Variants in MRPL48 observed in about 807,000 individuals in gnomAD.
MRPL48 encodes mitochondrial ribosomal protein L48.
In MRPL48, 16 loss-of-function variants were observed where a neutral mutation model predicts 32.9. That is an observed-to-expected ratio of 0.49 (90% CI 0.33 to 0.74). The LOEUF is 0.74. MRPL48 is among the 30% of genes least tolerant of loss of function. The pLI, the probability that MRPL48 is intolerant of heterozygous loss-of-function variation, is 0.02. For synonymous variants in MRPL48, 94 were observed against 89.2 expected (o/e 1.05, Z -0.31); for missense variants, 206 against 245.3 (o/e 0.84, Z 1.07).
Position 73,787,987 on chromosome 11 carries a change from G to A in MRPL48, c.16G>A (p.Glu6Lys), listed in dbSNP as rs369796805. 4 of 1,596,904 alleles carry A rather than the reference G, an allele frequency of 2.5e-6. No homozygotes were observed. Among genetic ancestry groups the A allele is most frequent in the Middle Eastern group, 1.7e-4 (1 of 5,988 alleles). MSGTL[E>K]KVLCLRNNTI... The stretch of plus-strand genomic sequence containing the variant: ...GCAGCAAAGGATGAGCGGAACCTTG[G>A]AAAAGGTAACGTAGATTCCACGCAC... The change falls in exon 1 of 8, where the codon GAA becomes AAA. Residue 6 changes from glutamate (E) to lysine (K), a missense_variant. Transcript: ENST00000310614.
At chr11:73,828,034 G>A (rs73547550) in intron 4 of MRPL48, among the ~76,000 whole-genome samples, 2,164 of 152,052 alleles carry the variant, frequency 0.014, 60 homozygotes, top group African/African-American at 0.05. Flanking sequence ...GAATTTTTCC[G>A]GGAAGAGAGT....
chr11:73,815,717 G>A (rs1332115932), intron 3 of MRPL48, among the ~76,000 whole-genome samples: 1 of 151,588 alleles, frequency 6.6e-6, no homozygotes, highest in Non-Finnish European at 1.5e-5. Context: ...TAGAGACTAG[G>A]CCTTCTGCCT....
intron 1 of MRPL48, 56 bp from the exon 2 acceptor site, chr11:73,804,970 CA>C (rs1364396544): frequency 1.3e-6 from 2 of 1,509,260 alleles, no homozygotes; most frequent in African/African-American, 2.8e-5. Flanking sequence ...TCTGAGAAGA[CA>C]TACTTGGAGG....
intron 4 of MRPL48, among the ~76,000 whole-genome samples, chr11:73,828,383 C>T (rs1947938318): frequency 6.6e-6 from 1 of 151,620 alleles, no homozygotes; most frequent in Non-Finnish European, 1.5e-5. Flanking sequence ...CACCACCACA[C>T]CCAGCTAGTT....
chr11:73,832,243 T>C (rs1948010081), intron 4 of MRPL48: 1 of 152,174 alleles, frequency 6.6e-6, no homozygotes, highest in Non-Finnish European at 1.5e-5. Context: ...GAATGGCCCC[T>C]AGGAATCAAG....
intron 1 of MRPL48, among the ~76,000 whole-genome samples, chr11:73,792,723 A>G (rs908538272): frequency 6.6e-6 from 1 of 152,130 alleles, no homozygotes; most frequent in Non-Finnish European, 1.5e-5. Context: ...GAGCTTTTCT[A>G]TTTTGTTAAT....
At chr11:73,792,907 A>C (rs1340435771) in intron 1 of MRPL48, among the ~76,000 whole-genome samples, 1 of 152,236 alleles carries the variant, frequency 6.6e-6, no homozygotes, top group Non-Finnish European at 1.5e-5. Context: ...CAACAAGTCT[A>C]TGAAGTAAAT....
intron 3 of MRPL48, among the ~76,000 whole-genome samples, chr11:73,817,079 G>A (rs117015948): frequency 1.3e-5 from 2 of 151,828 alleles, no homozygotes; most frequent in African/African-American, 2.4e-5. Context: ...TGGTTCACCC[G>A]CTTGGGCCTC....
chr11:73,850,890 A>G (rs1197279757), intron 5 of MRPL48: 8 of 246,684 alleles, frequency 3.2e-5, no homozygotes, highest in East Asian at 2.3e-4. Context: ...GTTAGCCAGG[A>G]TGGTCTCGAT....
In MRPL48 at chr11:73,787,922, C is replaced by T. The variant is rs368992057; in HGVS notation, c.-50C>T. On this transcript the variant is annotated 5_prime_UTR_variant, in exon 1 of 8. Transcript: ENST00000310614. ...TTCAGACGCCCTGGGAACGCGGCTG[C>T]AGGGTCCGGTCTTCGGTTTGCACAG... The T allele has an allele frequency of 7.5e-5, 120 of 1,603,588 alleles. No individual in the cohort carries two copies. Among genetic ancestry groups the T allele is most frequent in the Non-Finnish European group, 9.8e-5 (115 of 1,173,880 alleles).
intron 6 of MRPL48, among the ~76,000 whole-genome samples, chr11:73,861,870 GT>G (rs1360091196): frequency 6.6e-6 from 1 of 152,238 alleles, no homozygotes; most frequent in East Asian, 1.9e-4. Context: ...AATTTCTCTT[GT>G]GGTTCCTTGC....
At chr11:73,841,884 C>T (rs1357426080) in intron 4 of MRPL48, among the ~76,000 whole-genome samples, 4 of 152,080 alleles carry the variant, frequency 2.6e-5, no homozygotes, top group Admixed American at 2.0e-4. Flanking sequence ...CTCATTCCTA[C>T]CCCCAGACCC....
intron 6 of MRPL48, among the ~76,000 whole-genome samples, chr11:73,860,969 T>A (rs535789990): frequency 6.6e-6 from 1 of 152,350 alleles, no homozygotes; most frequent in South Asian, 2.1e-4. Flanking sequence ...AATGGCCTTT[T>A]GTGTCAGACT....
chr11:73,856,440 C>G (rs1948483238), intron 5 of MRPL48, among the ~76,000 whole-genome samples: 1 of 152,154 alleles, frequency 6.6e-6, no homozygotes, highest in Non-Finnish European at 1.5e-5. Flanking sequence ...ACTGCTGCAG[C>G]TACAACTCAC....
chr11:73,843,934 C>T (rs1004224069), intron 4 of MRPL48, among the ~76,000 whole-genome samples: 4 of 151,966 alleles, frequency 2.6e-5, no homozygotes, highest in Non-Finnish European at 4.4e-5. Context: ...CAAAAGTTAG[C>T]CAGGTGTGGT....
chr11:73,854,288 TTTTG>T (rs754607387), intron 5 of MRPL48, among the ~76,000 whole-genome samples: 7 of 152,112 alleles, frequency 4.6e-5, no homozygotes, highest in South Asian at 2.1e-4. Context: ...AGTTTCAATG[TTTTG>T]TTTGTTTGTT....
chr11:73,851,965 T>C (rs1948399192), intron 5 of MRPL48, among the ~76,000 whole-genome samples: 1 of 151,910 alleles, frequency 6.6e-6, no homozygotes, highest in Non-Finnish European at 1.5e-5. Flanking sequence ...CATACATGCA[T>C]GTACATACAT....
At chr11:73,828,076 A>G (rs1370182811) in intron 4 of MRPL48, among the ~76,000 whole-genome samples, 1 of 152,210 alleles carries the variant, frequency 6.6e-6, no homozygotes, top group Non-Finnish European at 1.5e-5. Flanking sequence ...TCACAAAGGT[A>G]GAGAAATTCT....
chr11:73,815,909 A>G (rs1192280214), intron 3 of MRPL48, among the ~76,000 whole-genome samples: 2 of 149,080 alleles, frequency 1.3e-5, no homozygotes, highest in African/African-American at 2.5e-5. Context: ...TTTTTTTTAT[A>G]GAGACAGGGT....
Sources: allele counts gnomAD v4.1 joint callset (sites outside exome capture counted in the v4.1 genomes callset), GRCh38; gene constraint gnomAD v4.1.1; transcripts MANE v1.5; gene names NCBI Gene and HGNC (gene_info 2026-07-23, HGNC 2026-07-21).